INVS: variants seen among roughly 807,000 people sequenced by gnomAD.
INVS encodes the protein inversion of embryo turning homolog.
A neutral mutation model predicts 108.8 loss-of-function variants in INVS; 86 were observed. The observed-to-expected ratio is 0.79, with a 90% CI of 0.66 to 0.95. INVS has a LOEUF of 0.95. Ranked by LOEUF, INVS falls within the 40% of genes least tolerant of loss-of-function variation. The probability of loss-of-function intolerance (pLI) is 0.00; values close to 1 mark genes in which losing one functional copy is unlikely to be tolerated. For missense variants in INVS, 1,169 were observed against 1,297.4 expected, an observed-to-expected ratio of 0.90 and a Z score of 1.52; for synonymous variants, 455 against 473.5, an observed-to-expected ratio of 0.96 and a Z score of 0.51.
At chr9:100,133,106 A>T (rs1161947023) in intron 3 of INVS, among the ~76,000 whole-genome samples, 1 of 152,238 alleles carries the variant, frequency 6.6e-6, no homozygotes, top group Non-Finnish European at 1.5e-5. Context: ...CTCCATCTCA[A>T]AAAAACAAAA....
intron 3 of INVS, among the ~76,000 whole-genome samples, chr9:100,153,126 G>T (rs952704602): frequency 6.6e-6 from 1 of 151,670 alleles, no homozygotes; most frequent in African/African-American, 2.4e-5. Context: ...AAGAAGGTTT[G>T]CAGTGAAGAA....
intron 13 of INVS, among the ~76,000 whole-genome samples, chr9:100,287,276 G>A (rs559960839): frequency 9.7e-4 from 147 of 152,268 alleles, no homozygotes; most frequent in African/African-American, 3.4e-3. Context: ...TTCAGAAAGC[G>A]AAGATAAAAG....
chr9:100,114,469 A>G (rs1827448303), intron 2 of INVS, among the ~76,000 whole-genome samples: 2 of 125,844 alleles, frequency 1.6e-5, no homozygotes, highest in South Asian at 2.5e-4. Flanking sequence ...TGGTACAATC[A>G]TGACTCACTG....
intron 3 of INVS, among the ~76,000 whole-genome samples, chr9:100,178,691 A>G (rs1829790434): frequency 6.6e-6 from 1 of 152,180 alleles, no homozygotes; most frequent in Admixed American, 6.6e-5. Context: ...TGACGGGGAG[A>G]ATGGAACCAA....
At chr9:100,200,374 A>AT (rs1380962084) in intron 3 of INVS, among the ~76,000 whole-genome samples, 1 of 152,178 alleles carries the variant, frequency 6.6e-6, no homozygotes, top group Non-Finnish European at 1.5e-5. Context: ...CATACTCAGA[A>AT]TTGTGGATGA....
At chr9:100,167,431 G>A (rs553472016) in intron 3 of INVS, among the ~76,000 whole-genome samples, 1 of 152,146 alleles carries the variant, frequency 6.6e-6, no homozygotes, top group South Asian at 2.1e-4. Flanking sequence ...TTTTGCATTT[G>A]TTCTTCCCTC....
chr9:100,259,138 G>T (rs989169855), intron 10 of INVS, among the ~76,000 whole-genome samples: 4 of 152,132 alleles, frequency 2.6e-5, no homozygotes, highest in Admixed American at 6.5e-5. Flanking sequence ...CCCTCCCCCA[G>T]CCTCGCTGCT....
At chr9:100,299,668 ACACACACACAC>A (rs1406530559) in intron 16 of INVS, among the ~76,000 whole-genome samples, 1 of 85,686 alleles carries the variant, frequency 1.2e-5, no homozygotes, top group Non-Finnish European at 2.2e-5. Flanking sequence ...ACACACACAC[ACACACACACAC>A]ACCTGGGCCT....
At chr9:100,215,413 A>T (rs1014497699) in intron 3 of INVS, 3 of 152,246 alleles carry the variant, frequency 2.0e-5, no homozygotes, top group Non-Finnish European at 4.4e-5. Flanking sequence ...GGCTACAAGG[A>T]TGAAATGAAC....
At chr9:100,256,395 T>A (rs1832423239) in intron 10 of INVS, among the ~76,000 whole-genome samples, 2 of 152,218 alleles carry the variant, frequency 1.3e-5, no homozygotes, top group East Asian at 1.9e-4. Flanking sequence ...TTTTGAAGGG[T>A]TTTTTGTGTC....
At chr9:100,197,030 C>A (rs914439037) in intron 3 of INVS, among the ~76,000 whole-genome samples, 4 of 152,140 alleles carry the variant, frequency 2.6e-5, no homozygotes, top group African/African-American at 4.8e-5. Context: ...AATTCTAACA[C>A]TATCTACCCA....
intron 1 of INVS, among the ~76,000 whole-genome samples, chr9:100,103,345 G>A (rs1827063659): frequency 6.6e-6 from 1 of 151,940 alleles, no homozygotes. Flanking sequence ...ACTTTTGGTA[G>A]GCAGGGCATG....
chr9:100,250,673 C>T (rs534156079), intron 8 of INVS, among the ~76,000 whole-genome samples: 49 of 152,306 alleles, frequency 3.2e-4, no homozygotes, highest in African/African-American at 1.2e-3. Context: ...CCATTGCAAC[C>T]ACCCTAATCA....
rs1349974793 is a variant in INVS, at chr9:100,226,128, G to C, written c.340G>C (p.Glu114Gln). The change falls in exon 4 of 17, where the codon GAG becomes CAG. Residue 114 changes from glutamate to glutamine, a missense_variant. This residue lies in a region of INVS where 365 missense variants were observed against 397.5 expected (regional missense o/e 0.92). Transcript: ENST00000262457. ...RANWMQKDLE[E>Q]MTPLHLTTRH... The stretch of plus-strand genomic sequence containing the variant: ...AAACTGGATGCAAAAGGATCTGGAA[G>C]AGATGACTCCTTTGCACTTGACCAC... 1 of 1,613,752 alleles carries C rather than the reference G, an allele frequency of 6.2e-7. No individual in the cohort carries two copies. Among genetic ancestry groups the C allele is most frequent in the African/African-American group, 1.3e-5 (1 of 74,912 alleles).
intron 11 of INVS, among the ~76,000 whole-genome samples, chr9:100,272,661 G>A (rs544844581): frequency 4.7e-4 from 72 of 152,208 alleles, no homozygotes; most frequent in African/African-American, 1.7e-3. Context: ...CAAAGCACCT[G>A]ACCCACAGTC....
At chr9:100,151,466 G>A (rs914060667) in intron 3 of INVS, among the ~76,000 whole-genome samples, 3 of 151,996 alleles carry the variant, frequency 2.0e-5, no homozygotes, top group Non-Finnish European at 4.4e-5. Context: ...ACAACAGAGT[G>A]AGACCCTGTC....
At chr9:100,149,257 T>C (rs1358876151) in intron 3 of INVS, among the ~76,000 whole-genome samples, 2 of 152,214 alleles carry the variant, frequency 1.3e-5, no homozygotes, top group Non-Finnish European at 2.9e-5. Context: ...TTATGAGTTT[T>C]TGACTGTTGG....
chr9:100,121,413 C>T (rs1447423638), intron 2 of INVS, among the ~76,000 whole-genome samples: 1 of 152,146 alleles, frequency 6.6e-6, no homozygotes, highest in East Asian at 1.9e-4. Context: ...AATTATCCTA[C>T]CACAAGTACT....
intron 3 of INVS, among the ~76,000 whole-genome samples, chr9:100,142,070 G>C (rs1003194861): frequency 2.0e-5 from 3 of 152,204 alleles, no homozygotes; most frequent in Non-Finnish European, 4.4e-5. Flanking sequence ...ATCAGCGTAA[G>C]CGTCGCCTAG....
Sources: allele counts gnomAD v4.1 joint callset (sites outside exome capture counted in the v4.1 genomes callset), GRCh38; gene constraint gnomAD v4.1.1; regional missense constraint gnomAD v4.1.1; transcripts MANE v1.5; gene names NCBI Gene and HGNC (gene_info 2026-07-23, HGNC 2026-07-21).